The following ANK2 variants were observed in gnomAD, a reference collection of about 807,000 sequenced individuals.
ANK2 encodes ankyrin 2.
ANK2 carries 83 observed loss-of-function variants against 360.5 expected under a neutral mutation model. That is an observed-to-expected ratio of 0.23 (90% CI 0.19 to 0.28). The LOEUF is 0.28. Among genes scored for constraint, ANK2 ranks in the 10% least tolerant of loss-of-function variants. The pLI is 1.00. For synonymous variants in ANK2, 1,740 were observed against 1,759.5 expected, an observed-to-expected ratio of 0.99 and a Z score of 0.28; for missense variants, 4,201 against 4,795.7, an observed-to-expected ratio of 0.88 and a Z score of 3.66.
In ANK2 at chr4:113,363,378, T is replaced by A. The variant is rs1349611633; in HGVS notation, c.10797T>A (p.His3599Gln). The change falls in exon 40 of 46, where the codon CAT becomes CAA. Residue 3599 changes from histidine to glutamine, a missense_variant. This residue lies in a region of ANK2 where 2,642 missense variants were observed against 2,714.5 expected (regional missense o/e 0.97). Coordinates refer to ENST00000357077, the MANE Select transcript of ANK2 (RefSeq NM_001148.6). ...TGGATTTCACTGAGGAGCAAATTCA[T>A]CAAATTCGAATTGAAAATCCCAACT... ...RELDFTEEQI[H>Q]QIRIENPNSL... 6.2e-7 allele frequency: 1 copy of A among 1,613,460 alleles called. No homozygotes were observed. The highest frequency in any genetic ancestry group is 1.7e-5 in the Admixed American group (1 of 59,932).
At chr4:113,095,223 A>G (rs971362218) in intron 1 of ANK2, among the ~76,000 whole-genome samples, 1 of 152,158 alleles carries the variant, frequency 6.6e-6, no homozygotes, top group Non-Finnish European at 1.5e-5. Flanking sequence ...GGAAACATCA[A>G]GGTTTATATT....
intron 2 of ANK2, among the ~76,000 whole-genome samples, chr4:113,193,524 A>T (rs2098703602): frequency 6.6e-6 from 1 of 152,258 alleles, no homozygotes; most frequent in Non-Finnish European, 1.5e-5. Flanking sequence ...GAGAACATGT[A>T]AATGTGTCAT....
Position 113,357,420 on chromosome 4 carries a change from A to G in ANK2, c.8802A>G (p.Gln2934=), listed in dbSNP as rs774374116. ...GCCCTTATGAAAATGTCCCTTCCCAATCTTTTTTCTCTAGTGAAGAAAGCA... is the reference window on the plus strand; with the variant it reads ...GCCCTTATGAAAATGTCCCTTCCCAGTCTTTTTTCTCTAGTGAAGAAAGCA... ...ITSPYENVPS[Q]SFFSSEESKT... The change falls in exon 38 of 46, where the codon CAA becomes CAG. Residue 2934 remains glutamine, a synonymous_variant. Coordinates refer to ENST00000357077, the MANE Select transcript of ANK2 (RefSeq NM_001148.6). The G allele has an allele frequency of 1.9e-6, 3 of 1,614,002 alleles. No homozygotes were observed. The East Asian group carries it at 6.7e-5, about 36-fold the overall frequency.
the ANK2 span, among the ~76,000 whole-genome samples, chr4:112,738,239 G>A: frequency 7.9e-5 from 12 of 151,936 alleles, no homozygotes; most frequent in South Asian, 2.1e-4. Flanking sequence ...GCGAAGCCCC[G>A]TCTCTATTTA....
At chr4:113,080,196 G>A (rs2081838429) in intron 1 of ANK2, among the ~76,000 whole-genome samples, 1 of 152,156 alleles carries the variant, frequency 6.6e-6, no homozygotes, top group African/African-American at 2.4e-5. Context: ...GCCATGCCCT[G>A]CCCACCCTGA....
the ANK2 span, among the ~76,000 whole-genome samples, chr4:112,719,484 T>C: frequency 6.6e-6 from 1 of 152,040 alleles, no homozygotes. Context: ...ATCCCAGCAC[T>C]TTGGGAGGCC....
intron 2 of ANK2, among the ~76,000 whole-genome samples, chr4:112,957,703 C>T (rs2030673191): frequency 6.6e-6 from 1 of 151,050 alleles, no homozygotes; most frequent in Non-Finnish European, 1.5e-5. Context: ...CTGACCCCCC[C>T]ACCTCCCTCC....
chr4:113,207,686 CAAAAAAAAAAA>C (rs34818513), intron 4 of ANK2, among the ~76,000 whole-genome samples: 1 of 101,654 alleles, frequency 9.8e-6, no homozygotes, highest in African/African-American at 3.5e-5. Flanking sequence ...GATCACAAAG[CAAAAAAAAAAA>C]AAAAAAAAAG....
chr4:113,023,139 A>G (rs1348840424), intron 2 of ANK2, among the ~76,000 whole-genome samples: 1 of 152,198 alleles, frequency 6.6e-6, no homozygotes, highest in Non-Finnish European at 1.5e-5. Context: ...ATAAAATAAA[A>G]TATTTTAAAA....
chr4:112,826,647 G>A (rs2058467804), intron 1 of ANK2: 3 of 1,070,172 alleles, frequency 2.8e-6, no homozygotes, highest in Admixed American at 4.6e-5. Flanking sequence ...TGAAAAACGG[G>A]TGACCACACT....
rs191638151 is a variant in ANK2 at position 112,925,086 on chromosome 4, C to G, written c.21+20572C>G. ...ATCTCCTGACCTCATGATCTATCCG[C>G]CTCGGCCTTCCAAAGTGCTGGGATT... On this transcript the variant is annotated intron_variant, in intron 2 of 30. Transcript: ENST00000503271. Among the ~76,000 whole-genome samples, 318 of 152,266 alleles carry G rather than the reference C, an allele frequency of 2.1e-3. 2 individuals carry two copies. The highest frequency in any genetic ancestry group is 2.2e-3 in the Non-Finnish European group (153 of 68,014).
chr4:112,745,985 C>T, the ANK2 span, among the ~76,000 whole-genome samples: 1 of 151,856 alleles, frequency 6.6e-6, no homozygotes, highest in Non-Finnish European at 1.5e-5. Flanking sequence ...TTAAATCATT[C>T]TTGTTGTTGT....
chr4:112,879,709 T>C (rs1345450688), intron 1 of ANK2, among the ~76,000 whole-genome samples: 1 of 152,234 alleles, frequency 6.6e-6, no homozygotes, highest in African/African-American at 2.4e-5. Flanking sequence ...TTGAACAGTA[T>C]AACTAAAAGC....
intron 4 of ANK2, among the ~76,000 whole-genome samples, chr4:113,200,096 T>A (rs1174542485): frequency 2.0e-5 from 3 of 152,240 alleles, no homozygotes; most frequent in African/African-American, 4.8e-5. Flanking sequence ...ATTATTTTTA[T>A]CTTTGTAATA....
intron 1 of ANK2, among the ~76,000 whole-genome samples, chr4:112,894,055 A>G (rs1353344656): frequency 6.6e-6 from 1 of 152,194 alleles, no homozygotes; most frequent in African/African-American, 2.4e-5. Context: ...GAAGCTGCAA[A>G]CACAAGCTTG....
chr4:113,025,779 G>A (rs1013641569), intron 2 of ANK2, among the ~76,000 whole-genome samples: 1 of 152,146 alleles, frequency 6.6e-6, no homozygotes, highest in Non-Finnish European at 1.5e-5. Context: ...TCTGAGATCA[G>A]AAATTGTTTT....
chr4:113,099,485 C>T (rs1391893160), intron 1 of ANK2, among the ~76,000 whole-genome samples: 1 of 151,736 alleles, frequency 6.6e-6, no homozygotes, highest in Non-Finnish European at 1.5e-5. Flanking sequence ...TGAAAGAAAC[C>T]AAAGGAGATC....
At chr4:113,017,536 A>G (rs1579123889) in intron 2 of ANK2, among the ~76,000 whole-genome samples, 1 of 152,338 alleles carries the variant, frequency 6.6e-6, no homozygotes, top group East Asian at 1.9e-4. Context: ...TGCAGACTCT[A>G]TAATTTAGTC....
At chr4:113,245,228 C>T (rs2042211040) in intron 9 of ANK2, among the ~76,000 whole-genome samples, 1 of 152,096 alleles carries the variant, frequency 6.6e-6, no homozygotes, top group African/African-American at 2.4e-5. Flanking sequence ...GAGGTAAATA[C>T]TGAAATCAAG....
Sources: gnomAD v4.1 joint callset for allele counts (sites outside exome capture counted in the v4.1 genomes callset) on GRCh38, gnomAD v4.1.1 for gene constraint, gnomAD v4.1.1 regional missense constraint, MANE v1.5 for transcripts, NCBI Gene and HGNC (gene_info 2026-07-23, HGNC 2026-07-21) for gene names.